PACSIN2: variants seen among roughly 807,000 people sequenced by gnomAD.
The protein encoded by PACSIN2 is protein kinase C and casein kinase substrate in neurons 2.
A neutral mutation model predicts 63.8 loss-of-function variants in PACSIN2; 25 were observed. The ratio of observed to expected loss-of-function variants is 0.39; its 90% CI spans 0.29 to 0.55. The LOEUF is 0.55. Among genes scored for constraint, PACSIN2 ranks in the 20% least tolerant of loss-of-function variants. The pLI, the probability that PACSIN2 is intolerant of heterozygous loss-of-function variation, is 0.62. For synonymous variants in PACSIN2, 255 were observed against 256.2 expected, an observed-to-expected ratio of 1.00 and a Z score of 0.05; for missense variants, 518 against 646.9, an observed-to-expected ratio of 0.80 and a Z score of 2.16.
chr22:42,974,782 AAGGAGG>A (rs1000791563), intron 1 of PACSIN2, among the ~76,000 whole-genome samples: 30 of 142,848 alleles, frequency 2.1e-4, no homozygotes, highest in Admixed American at 7.4e-4. Context: ...AAAAGAGAAG[AAGGAGG>A]AGGAGGAGGA....
chr22:42,966,782 C>T (rs1034136615), intron 1 of PACSIN2, among the ~76,000 whole-genome samples: 4 of 152,210 alleles, frequency 2.6e-5, no homozygotes, highest in African/African-American at 7.2e-5. Context: ...TGAGCCTTCT[C>T]TGGGCAACAC....
chr22:42,958,071 A>C (rs1162814212), intron 1 of PACSIN2, among the ~76,000 whole-genome samples: 2 of 152,202 alleles, frequency 1.3e-5, no homozygotes, highest in Non-Finnish European at 2.9e-5. Context: ...AAAGTGAAAC[A>C]AATATGAACG....
chr22:42,997,344 G>A (rs1161845081), intron 1 of PACSIN2, among the ~76,000 whole-genome samples: 1 of 152,180 alleles, frequency 6.6e-6, no homozygotes, highest in Non-Finnish European at 1.5e-5. Context: ...AGATCACAAG[G>A]TCAGGAGATT....
chr22:42,931,964 C>T (rs1932787282), intron 1 of PACSIN2, among the ~76,000 whole-genome samples: 1 of 152,172 alleles, frequency 6.6e-6, no homozygotes, highest in African/African-American at 2.4e-5. Flanking sequence ...AAAACCTATC[C>T]TCACTTCCAG....
At chr22:42,907,874 T>G (rs776755921) in intron 2 of PACSIN2, among the ~76,000 whole-genome samples, 1 of 152,200 alleles carries the variant, frequency 6.6e-6, no homozygotes, top group African/African-American at 2.4e-5. Flanking sequence ...TCACTCCACA[T>G]GGATGATGAA....
At chr22:42,916,382 C>A (rs113998647) in intron 1 of PACSIN2, among the ~76,000 whole-genome samples, 1,517 of 124,548 alleles carry the variant, frequency 0.012, 27 homozygotes, top group African/African-American at 0.045. Context: ...TTCTGATGTT[C>A]ACAGAGCAAC....
Position 42,907,606 on chromosome 22 carries a change from C to T in PACSIN2, c.60+4415G>A, listed in dbSNP as rs561371609. On this transcript the variant is annotated intron_variant, in intron 2 of 10. Coordinates refer to ENST00000263246, the MANE Select transcript of PACSIN2 (RefSeq NM_001184970.3). ...ACACGGAAAAGTCCGTTGGGGTCGG[C>T]GTGCGTGGAGGCGGCTGGGCAGCAG... is the stretch of plus-strand genomic sequence containing the variant. Among the ~76,000 whole-genome samples, 6 of 152,356 alleles carry T rather than the reference C, an allele frequency of 3.9e-5. No individual in the cohort carries two copies. In the South Asian group the frequency reaches 6.2e-4, roughly 16 times the overall value.
intron 1 of PACSIN2, among the ~76,000 whole-genome samples, chr22:42,927,277 G>A (rs1932598172): frequency 6.7e-6 from 1 of 150,348 alleles, no homozygotes; most frequent in Admixed American, 6.6e-5. Flanking sequence ...ACAGAGTCTC[G>A]CTCTGTTGCC....
At chr22:43,010,948 T>C (rs1027853922) in intron 1 of PACSIN2, among the ~76,000 whole-genome samples, 3 of 152,238 alleles carry the variant, frequency 2.0e-5, no homozygotes, top group African/African-American at 7.2e-5. Context: ...GTCCCTCAAG[T>C]AGTTACCTTT....
At chr22:42,996,654 TAC>T (rs1228021238) in intron 1 of PACSIN2, among the ~76,000 whole-genome samples, 2 of 151,864 alleles carry the variant, frequency 1.3e-5, no homozygotes, top group African/African-American at 4.8e-5. Context: ...ATCACACCAC[TAC>T]ACTCCAGCCT....
intron 7 of PACSIN2, chr22:42,880,710 C>CA (rs1569212547): frequency 6.6e-6 from 1 of 152,252 alleles, no homozygotes; most frequent in African/African-American, 2.4e-5. Flanking sequence ...AATGAATGCA[C>CA]AGGGGCTGGT....
At chr22:42,886,216 G>A (rs1204226865) in intron 5 of PACSIN2, among the ~76,000 whole-genome samples, 1 of 152,208 alleles carries the variant, frequency 6.6e-6, no homozygotes, top group Admixed American at 6.5e-5. Context: ...TCACTGTTCT[G>A]GAAATCCCCT....
intron 1 of PACSIN2, among the ~76,000 whole-genome samples, chr22:42,921,025 G>T (rs1932158847): frequency 6.6e-6 from 1 of 151,670 alleles, no homozygotes; most frequent in Non-Finnish European, 1.5e-5. Context: ...TGAACTCTTG[G>T]GCTCAAGTGA....
At chr22:42,887,728 A>G (rs776711319) in intron 5 of PACSIN2, among the ~76,000 whole-genome samples, 1 of 152,112 alleles carries the variant, frequency 6.6e-6, no homozygotes, top group Non-Finnish European at 1.5e-5. Flanking sequence ...GTCTGGTTTT[A>G]AGTCCTGTGA....
chr22:42,932,595 G>C (rs934023861), intron 1 of PACSIN2, among the ~76,000 whole-genome samples: 1 of 152,126 alleles, frequency 6.6e-6, no homozygotes, highest in African/African-American at 2.4e-5. Flanking sequence ...TTAGGATAAT[G>C]TACTATTGGT....
chr22:42,880,731 T>G (rs1929009944), intron 7 of PACSIN2: 1 of 152,212 alleles, frequency 6.6e-6, no homozygotes, highest in African/African-American at 2.4e-5. Flanking sequence ...TCCCAGCCCA[T>G]GGACCCACAG....
intron 1 of PACSIN2, among the ~76,000 whole-genome samples, chr22:42,989,219 C>T (rs1048590114): frequency 2.0e-5 from 3 of 152,216 alleles, no homozygotes; most frequent in Non-Finnish European, 2.9e-5. Flanking sequence ...AATTCTCGGC[C>T]GGGCGCAGTG....
chr22:42,910,018 G>A (rs1035292438), intron 2 of PACSIN2, among the ~76,000 whole-genome samples: 2 of 152,130 alleles, frequency 1.3e-5, no homozygotes, highest in African/African-American at 2.4e-5. Flanking sequence ...CTAGGATATG[G>A]GTACCGTTAT....
At chr22:42,958,991 G>A (rs764433654) in intron 1 of PACSIN2, among the ~76,000 whole-genome samples, 1 of 152,198 alleles carries the variant, frequency 6.6e-6, no homozygotes, top group Non-Finnish European at 1.5e-5. Context: ...ACATAAGGCT[G>A]CTCAGTTATT....
Sources: gnomAD v4.1 joint callset for allele counts (sites outside exome capture counted in the v4.1 genomes callset) on GRCh38, gnomAD v4.1.1 for gene constraint, MANE v1.5 for transcripts, NCBI Gene and HGNC (gene_info 2026-07-23, HGNC 2026-07-21) for gene names.